AXDND1: variants seen among roughly 807,000 people sequenced by gnomAD.
The protein encoded by AXDND1 is axonemal dynein light chain domain containing 1.
Under a neutral mutation model 137.5 loss-of-function variants are expected in AXDND1, and 110 were observed. The observed-to-expected ratio is 0.80, with a 90% CI of 0.69 to 0.94. The LOEUF is 0.94. AXDND1 is among the 40% of genes least tolerant of loss of function. The pLI is 0.00. For synonymous variants in AXDND1, 414 were observed against 399.7 expected (o/e 1.04, Z -0.43); for missense variants, 1,191 against 1,169.8 (o/e 1.02, Z -0.26).
At chr1:179,426,208 A>T (rs1035380031) in intron 12 of AXDND1, among the ~76,000 whole-genome samples, 2 of 152,198 alleles carry the variant, frequency 1.3e-5, no homozygotes, top group Admixed American at 6.5e-5. Flanking sequence ...TAGAAATAAA[A>T]GCAAATAACA....
chr1:179,456,874 G>T, intron 16 of AXDND1: 1 of 859,754 alleles, frequency 1.2e-6, no homozygotes, highest in Non-Finnish European at 2.0e-6. Flanking sequence ...ATGGAGTTAT[G>T]ATTGTCAAAG....
At chr1:179,393,030 T>C (rs539135145) in intron 9 of AXDND1, among the ~76,000 whole-genome samples, 1 of 152,324 alleles carries the variant, frequency 6.6e-6, no homozygotes, top group South Asian at 2.1e-4. Flanking sequence ...GGGTTCTTGG[T>C]CATGAATTCT....
In AXDND1 at chr1:179,389,379, T is replaced by C. The variant is rs72717547; in HGVS notation, c.863+4020T>C. ...CTCATTCATGGTGGTTTATTTACATTAGTATTTTGCAGCCTTTGCTTGTGG... is the reference window on the plus strand; with the variant it reads ...CTCATTCATGGTGGTTTATTTACATCAGTATTTTGCAGCCTTTGCTTGTGG... On this transcript the variant is annotated intron_variant, in intron 9 of 25. Coordinates refer to ENST00000367618, the MANE Select transcript of AXDND1 (RefSeq NM_144696.6). 2.9e-3 allele frequency among the ~76,000 whole-genome samples: 437 copies of C among 152,340 alleles called. 3 individuals are homozygous for C. The highest frequency in any genetic ancestry group is 0.024 in the Middle Eastern group (7 of 294).
At chr1:179,494,333 A>G (rs1667233270) in intron 20 of AXDND1, among the ~76,000 whole-genome samples, 1 of 152,118 alleles carries the variant, frequency 6.6e-6, no homozygotes, top group South Asian at 2.1e-4. Flanking sequence ...CATTTTCTTA[A>G]TGACCAATGA....
Position 179,483,142 on chromosome 1 carries a change from A to G in AXDND1, c.2012A>G (p.Tyr671Cys), listed in dbSNP as rs1433493668. 6 of 1,601,642 alleles carry G rather than the reference A, an allele frequency of 3.7e-6. No homozygotes were observed. The East Asian group carries it at 6.7e-5, about 18-fold the overall frequency. Residue 671 changes from tyrosine to cysteine, a missense_variant, in exon 18 of 26, where the codon TAT becomes TGT. Physicochemically the swap from Tyr to Cys is radical, Grantham distance 194. Coordinates refer to ENST00000367618, the MANE Select transcript of AXDND1 (RefSeq NM_144696.6). ...DVDSVSVLQA[Y>C]IFNMIQQWLL... ...TTTTCCTTCAGGGTACTCCAAGCGT[A>G]TATATTTAACATGATTCAACAATGG... is the stretch of plus-strand genomic sequence containing the variant.
intron 16 of AXDND1, among the ~76,000 whole-genome samples, chr1:179,461,091 A>G (rs573027294): frequency 6.6e-6 from 1 of 152,116 alleles, no homozygotes; most frequent in Non-Finnish European, 1.5e-5. Flanking sequence ...TTTTGTTGCC[A>G]TTGCTTTTGG....
chr1:179,550,902 A>G (rs753252588), intron 25 of AXDND1: 3 of 486,508 alleles, frequency 6.2e-6, no homozygotes, highest in Middle Eastern at 5.8e-4. Flanking sequence ...CCACATCTAG[A>G]CTCAAAATTC....
chr1:179,509,480 C>T, intron 21 of AXDND1, 77 bp downstream of exon 21: 1 of 945,818 alleles, frequency 1.1e-6, no homozygotes, highest in South Asian at 1.6e-5. Flanking sequence ...CAGCTTTTTC[C>T]AATCAATGTT....
At chr1:179,436,896 A>G (rs545920681) in intron 15 of AXDND1, among the ~76,000 whole-genome samples, 1 of 152,258 alleles carries the variant, frequency 6.6e-6, no homozygotes, top group South Asian at 2.1e-4. Context: ...AGCTCGGTAG[A>G]TATCAGCTTT....
At chr1:179,433,303 C>A (rs911310528) in intron 15 of AXDND1, among the ~76,000 whole-genome samples, 3 of 150,982 alleles carry the variant, frequency 2.0e-5, no homozygotes, top group African/African-American at 7.3e-5. Flanking sequence ...TTAATTTTTT[C>A]AAAAAAAATA....
chr1:179,395,452 T>C (rs527837343), intron 11 of AXDND1, among the ~76,000 whole-genome samples: 13 of 152,192 alleles, frequency 8.5e-5, no homozygotes, highest in Non-Finnish European at 1.5e-4. Context: ...AGGCTATTAC[T>C]TTCTGGTTTT....
intron 23 of AXDND1, among the ~76,000 whole-genome samples, chr1:179,528,751 C>G (rs888421801): frequency 8.0e-5 from 12 of 150,790 alleles, no homozygotes; most frequent in Non-Finnish European, 1.2e-4. Context: ...GCTACCATGC[C>G]CGGCTAATTT....
chr1:179,457,152 G>A (rs1387306796), intron 16 of AXDND1: 1 of 848,220 alleles, frequency 1.2e-6, no homozygotes, highest in East Asian at 2.4e-5. Flanking sequence ...GCAGTGGCAT[G>A]TGAGACAAAC....
At chr1:179,468,359 T>C in intron 16 of AXDND1, 84 bp from the exon 17 acceptor site, 1 of 948,834 alleles carries the variant, frequency 1.1e-6, no homozygotes, top group South Asian at 1.7e-5. Context: ...ATAATGCCCT[T>C]GCTCAGTAGG....
chr1:179,551,529 A>C, intron 25 of AXDND1: 4 of 1,542,794 alleles, frequency 2.6e-6, no homozygotes, highest in Non-Finnish European at 3.6e-6. Flanking sequence ...ATGACTCAGC[A>C]GACAAGCACT....
At chr1:179,465,575 C>T (rs1214643558) in intron 16 of AXDND1, among the ~76,000 whole-genome samples, 4 of 152,200 alleles carry the variant, frequency 2.6e-5, no homozygotes, top group African/African-American at 9.6e-5. Context: ...GGTCATGGAC[C>T]CACTTGAGGA....
chr1:179,443,938 A>G (rs1001881819), intron 15 of AXDND1, among the ~76,000 whole-genome samples: 2 of 150,156 alleles, frequency 1.3e-5, no homozygotes, highest in African/African-American at 4.9e-5. Context: ...ATTCCCTAAT[A>G]AAATTTCATA....
In AXDND1 at chr1:179,452,407, C is replaced by CATTTTCT. The variant is rs1558198584; in HGVS notation, c.1798+7203_1798+7204insATTTTCT. Reference sequence around the variant, plus strand: ...GACAATGCGATAGAAAAGAAAATCCCGCCGGGCGCGGTGGCTCACGCCTGT... The same window carrying CATTTTCT: ...GACAATGCGATAGAAAAGAAAATCCCATTTTCTGCCGGGCGCGGTGGCTCACGCCTGT... On this transcript the variant is annotated intron_variant, in intron 16 of 25. Coordinates refer to ENST00000367618, the MANE Select transcript of AXDND1 (RefSeq NM_144696.6). The CATTTTCT allele has an allele frequency of 2.5e-4, 38 of 151,826 alleles. 1 individual carries two copies. Among genetic ancestry groups the CATTTTCT allele is most frequent in the African/African-American group, 7.6e-4 (31 of 40,914 alleles). 9.4% of individuals were successfully genotyped at this position (151,826 alleles called of 1,614,324 possible).
chr1:179,514,987 A>G (rs1320395704), intron 21 of AXDND1, among the ~76,000 whole-genome samples: 1 of 152,094 alleles, frequency 6.6e-6, no homozygotes, highest in Non-Finnish European at 1.5e-5. Flanking sequence ...AAGGGAGCAG[A>G]TGGTTGGTGA....
Sources: allele counts gnomAD v4.1 joint callset (sites outside exome capture counted in the v4.1 genomes callset), GRCh38; gene constraint gnomAD v4.1.1; transcripts MANE v1.5; gene names NCBI Gene and HGNC (gene_info 2026-07-23, HGNC 2026-07-21).